GLYR1: variants seen among roughly 807,000 people sequenced by gnomAD.
The protein encoded by GLYR1 is glyoxylate reductase 1 homolog, also known as cytokine-like nuclear factor N-PAC.
Under a neutral mutation model 72.7 loss-of-function variants are expected in GLYR1, and 21 were observed. That is an observed-to-expected ratio of 0.29 (90% CI 0.20 to 0.42). GLYR1 has a LOEUF of 0.42. GLYR1 is among the 10% of genes least tolerant of loss of function. The pLI is 1.00. For synonymous variants in GLYR1, 392 were observed against 270.2 expected (o/e 1.45, Z -4.42); for missense variants, 594 against 712.1 (o/e 0.83, Z 1.89).
At position 4,813,792 on chromosome 16, in the gene GLYR1, T is replaced by C. The variant is rs772945463; in HGVS notation, c.1064A>G (p.Lys355Arg). 12 of 1,613,234 alleles carry C rather than the reference T, an allele frequency of 7.4e-6. No homozygotes were observed. The highest frequency in any genetic ancestry group is 2.2e-5 in the South Asian group (2 of 90,800). Residue 355 changes from lysine (K) to arginine (R), a missense_variant, in exon 12 of 16, where the codon AAG becomes AGG. Physicochemically the swap from Lys to Arg is conservative, Grantham distance 26. Transcript: ENST00000321919. Reference protein sequence around the residue: ...SGVLQGIRPGKCYVDMSTVDA... With the variant: ...SGVLQGIRPGRCYVDMSTVDA... ...CACTGTTGACATGTCCACGTAGCAC[T>C]TCCCAGGGCGGATCCCTTGCAGCAC...
chr16:4,825,845 G>C (rs899595774), intron 5 of GLYR1, among the ~76,000 whole-genome samples: 1 of 151,908 alleles, frequency 6.6e-6, no homozygotes, highest in African/African-American at 2.4e-5. Context: ...GTAGAGACGG[G>C]GTTTCACCAT....
intron 10 of GLYR1, among the ~76,000 whole-genome samples, chr16:4,817,188 C>T (rs183306115): frequency 5.9e-5 from 9 of 151,576 alleles, no homozygotes; most frequent in Admixed American, 2.0e-4. Flanking sequence ...GGCGCGATCT[C>T]GGCTCACTGC....
intron 3 of GLYR1, chr16:4,839,634 G>A (rs1261674405): frequency 1.3e-5 from 2 of 152,250 alleles, no homozygotes; most frequent in East Asian, 3.9e-4. Flanking sequence ...GTATAAAGAA[G>A]TCCTCCTCTC....
intron 1 of GLYR1, 151 bp downstream of exon 1, chr16:4,847,077 C>A: frequency 1.4e-6 from 1 of 728,278 alleles, no homozygotes; most frequent in South Asian, 1.7e-5. Context: ...CCCCTTCCGC[C>A]TGGCGCCGCT....
intron 5 of GLYR1, among the ~76,000 whole-genome samples, chr16:4,831,346 C>T (rs2084782826): frequency 2.6e-5 from 4 of 152,210 alleles, no homozygotes; most frequent in Admixed American, 2.0e-4. Context: ...CTGGCTCAGT[C>T]ACCTTCCCGG....
In GLYR1 at chr16:4,832,049, G is replaced by C. The variant is rs2084835278; in HGVS notation, c.467C>G (p.Ser156Cys). 2 of 1,614,062 alleles carry C rather than the reference G, an allele frequency of 1.2e-6. No individual in the cohort carries two copies. Among genetic ancestry groups the C allele is most frequent in the Non-Finnish European group, 8.5e-7 (1 of 1,180,034 alleles). ...TTGGGCTCTTTTCAGAGGGGATTTG[G>C]AGCCTCTCTCTGAAGAGCCTGAAGA... ...RVSSGSSERG[S>C]KSPLKRAQEQ... The change falls in exon 5 of 16, where the codon TCC becomes TGC. Residue 156 changes from serine to cysteine, a missense_variant. Coordinates refer to ENST00000321919, the MANE Select transcript of GLYR1 (RefSeq NM_032569.4).
rs965567618 is a variant in GLYR1 at position 4,832,278 on chromosome 16, A to G, written c.295-57T>C. The G allele has an allele frequency of 1.7e-5, 27 of 1,594,594 alleles. No homozygotes were observed. The African/African-American group carries it at 3.5e-4, about 21-fold the overall frequency. On this transcript the variant is annotated intron_variant, in intron 4 of 15. Coordinates refer to ENST00000321919, the MANE Select transcript of GLYR1 (RefSeq NM_032569.4). ...CACCACAGCTGCTGCCGCCATCGCCACCATCATTTACAGGTGCCATGTGCT... is the reference window on the plus strand; with the variant it reads ...CACCACAGCTGCTGCCGCCATCGCCGCCATCATTTACAGGTGCCATGTGCT...
At chr16:4,823,702 T>C (rs2084189625) in intron 6 of GLYR1, 119 bp downstream of exon 6, 11 of 823,566 alleles carry the variant, frequency 1.3e-5, no homozygotes, top group South Asian at 1.2e-4. Context: ...TTCTGTACTG[T>C]TTTGTAATAA....
intron 3 of GLYR1, among the ~76,000 whole-genome samples, chr16:4,844,294 A>G (rs534011212): frequency 1.3e-5 from 2 of 152,148 alleles, no homozygotes; most frequent in African/African-American, 4.8e-5. Flanking sequence ...GGTTTCCCCA[A>G]CTTAGGACAG....
chr16:4,821,740 C>G, intron 7 of GLYR1, 143 bp from the exon 8 acceptor site: 1 of 727,708 alleles, frequency 1.4e-6, no homozygotes, highest in Non-Finnish European at 2.4e-6. Flanking sequence ...AAATTTTACA[C>G]TAGAAAGTTC....
chr16:4,817,366 G>A (rs1035742086), intron 10 of GLYR1, among the ~76,000 whole-genome samples: 6 of 151,978 alleles, frequency 3.9e-5, no homozygotes, highest in Non-Finnish European at 7.4e-5. Context: ...TGATCCGCCC[G>A]CCTCAGCCTC....
chr16:4,825,331 G>C (rs1010627765), intron 5 of GLYR1, among the ~76,000 whole-genome samples: 1 of 152,014 alleles, frequency 6.6e-6, no homozygotes, highest in African/African-American at 2.4e-5. Flanking sequence ...TAGCTCGTTA[G>C]CACCCTGCTG....
At position 4,813,664 on chromosome 16, in the gene GLYR1, C is replaced by T. The variant is rs2083454459; in HGVS notation, c.1119+73G>A. 3 of 1,303,542 alleles carry T rather than the reference C, an allele frequency of 2.3e-6. No individual in the cohort carries two copies. The Admixed American group carries it at 5.9e-5, about 26-fold the overall frequency. The allele number at this position is 1,303,542 out of a possible 1,614,324, so 80.7% of individuals were successfully genotyped here. A position where few individuals can be genotyped will look rare whatever the true frequency, so the allele number is the denominator to read the frequency against. On this transcript the variant is annotated intron_variant, in intron 12 of 15. Coordinates refer to ENST00000321919, the MANE Select transcript of GLYR1 (RefSeq NM_032569.4). Reference sequence around the variant, plus strand: ...TTTGGCTCTAGAGTAACTTAACTGCCCACTCTTGTAAGCCTGGGTCTTGGG... The same window carrying T: ...TTTGGCTCTAGAGTAACTTAACTGCTCACTCTTGTAAGCCTGGGTCTTGGG...
chr16:4,818,001 CCT>C, intron 9 of GLYR1: 1 of 250,998 alleles, frequency 4.0e-6, no homozygotes. Context: ...CCCTTGCTGC[CCT>C]TTTTTTTTTT....
intron 5 of GLYR1, among the ~76,000 whole-genome samples, chr16:4,831,598 C>T (rs985306116): frequency 6.6e-6 from 1 of 152,262 alleles, no homozygotes; most frequent in Non-Finnish European, 1.5e-5. Context: ...AAGTGGACTG[C>T]TCTCCTGCCT....
At chr16:4,838,852 T>C (rs150397533) in intron 3 of GLYR1, among the ~76,000 whole-genome samples, 1 of 152,210 alleles carries the variant, frequency 6.6e-6, no homozygotes, top group African/African-American at 2.4e-5. Flanking sequence ...CTTTGAAAGT[T>C]CTGGGATTAC....
chr16:4,825,829 T>C lies in GLYR1; in HGVS notation c.538-1922A>G, dbSNP rs533922418. ...CACCATGCCCAGCTAATTTTTTGTA[T>C]TTTTAGTAGAGACGGGGTTTCACCA... On this transcript the variant is annotated intron_variant, in intron 5 of 15. Transcript: ENST00000321919. 3.9e-5 allele frequency among the ~76,000 whole-genome samples: 6 copies of C among 152,138 alleles called. No homozygotes were observed. In the East Asian group the frequency reaches 1.2e-3, roughly 29 times the overall value.
intron 15 of GLYR1, among the ~76,000 whole-genome samples, chr16:4,810,822 T>C (rs1438631829): frequency 6.8e-6 from 1 of 148,030 alleles, no homozygotes; most frequent in Non-Finnish European, 1.5e-5. Context: ...AGAAACTGAA[T>C]GGCTGGGCGT....
chr16:4,825,879 C>G, intron 5 of GLYR1, among the ~76,000 whole-genome samples: 1 of 152,048 alleles, frequency 6.6e-6, no homozygotes. Flanking sequence ...GTCTCGATCT[C>G]CTGACCTCGT....
Sources: gnomAD v4.1 joint callset for allele counts (sites outside exome capture counted in the v4.1 genomes callset) on GRCh38, gnomAD v4.1.1 for gene constraint, MANE v1.5 for transcripts, NCBI Gene and HGNC (gene_info 2026-07-23, HGNC 2026-07-21) for gene names.